Variants in CEP350 observed in about 807,000 individuals in gnomAD.
CEP350 encodes the protein centrosomal protein 350, also known as centrosome-associated protein 350.
CEP350 carries 126 observed loss-of-function variants against 331.8 expected under a neutral mutation model. The ratio of observed to expected loss-of-function variants is 0.38; its 90% CI spans 0.33 to 0.44. CEP350 has a LOEUF of 0.44. Ranked by LOEUF, CEP350 falls within the 20% of genes least tolerant of loss-of-function variation. The pLI is 1.00. For missense variants in CEP350, 3,406 were observed against 3,634.6 expected (o/e 0.94, Z 1.62); for synonymous variants, 1,200 against 1,259.5 (o/e 0.95, Z 1.00).
intron 1 of CEP350, among the ~76,000 whole-genome samples, chr1:179,956,822 CAAGG>C (rs201933226): frequency 0.083 from 12,645 of 152,102 alleles, 692 homozygotes; most frequent in Non-Finnish European, 0.12. Context: ...AACTGACACA[CAAGG>C]AAGATCATTT....
rs993615217 is a variant in CEP350 at position 179,975,835 on chromosome 1, T to C, written c.-13-10334T>C. Among the ~76,000 whole-genome samples the C allele has an allele frequency of 2.6e-5, 4 of 152,056 alleles. 1 individual carries two copies. Among genetic ancestry groups the C allele is most frequent in the Admixed American group, 6.5e-5 (1 of 15,282 alleles). ...CTCAGAAATAGATCTAAGGAGGAAA[T>C]AGAACATTTAGGAAATAAAGCCATG... On this transcript the variant is annotated intron_variant, in intron 1 of 37. Coordinates refer to ENST00000367607, the MANE Select transcript of CEP350 (RefSeq NM_014810.5).
chr1:180,051,836 C>CT (rs1437224069), intron 22 of CEP350, among the ~76,000 whole-genome samples: 1 of 152,136 alleles, frequency 6.6e-6, no homozygotes, highest in African/African-American at 2.4e-5. Flanking sequence ...AACCTATACT[C>CT]TAATTGGATA....
At chr1:180,102,729 A>G (rs1660897396) in intron 37 of CEP350, among the ~76,000 whole-genome samples, 2 of 152,198 alleles carry the variant, frequency 1.3e-5, no homozygotes, top group Non-Finnish European at 2.9e-5. Flanking sequence ...CAGGCCTTTA[A>G]TGTAAACTCT....
In CEP350 at chr1:180,014,015, A is replaced by G; in HGVS notation, c.1562A>G (p.Lys521Arg). 1.2e-6 allele frequency: 2 copies of G among 1,613,692 alleles called. No homozygotes were observed. The highest frequency in any genetic ancestry group is 1.7e-6 in the Non-Finnish European group (2 of 1,179,746). Reference sequence around the variant, plus strand: ...CAGGAGGAAAATACTGCCTTAAATAAGGACTTTTTACCTATTGAAATTCGT... The same window carrying G: ...CAGGAGGAAAATACTGCCTTAAATAGGGACTTTTTACCTATTGAAATTCGT... ...NKQEENTALNKDFLPIEIRGI... is the reference protein window; with the variant it reads ...NKQEENTALNRDFLPIEIRGI... Residue 521 changes from lysine (K) to arginine (R), a missense_variant, in exon 10 of 38, where the codon AAG (lysine) becomes AGG (arginine). Physicochemically the swap from Lys to Arg is conservative, Grantham distance 26. Transcript: ENST00000367607.
chr1:180,006,941 A>G (rs1290424863), intron 8 of CEP350, among the ~76,000 whole-genome samples: 2 of 152,168 alleles, frequency 1.3e-5, no homozygotes, highest in Non-Finnish European at 2.9e-5. Flanking sequence ...ACATGAACTC[A>G]TCCTTTTTTA....
At chr1:180,009,790 T>C (rs1326317764) in intron 8 of CEP350, among the ~76,000 whole-genome samples, 1 of 152,200 alleles carries the variant, frequency 6.6e-6, no homozygotes, top group Non-Finnish European at 1.5e-5. Context: ...AGGTCAACTG[T>C]ATAAGGTTAA....
intron 27 of CEP350, among the ~76,000 whole-genome samples, chr1:180,069,498 A>G (rs984701458): frequency 6.6e-6 from 1 of 152,212 alleles, no homozygotes; most frequent in South Asian, 2.1e-4. Flanking sequence ...AATTTCTTAG[A>G]CAACATTCTA....
At chr1:180,087,518 T>G in intron 31 of CEP350, 60 bp from the exon 32 acceptor site, 3 of 1,394,718 alleles carry the variant, frequency 2.2e-6, no homozygotes, top group Middle Eastern at 2.0e-4. Flanking sequence ...TACTATTTTA[T>G]AATTTAAAAT....
intron 30 of CEP350, among the ~76,000 whole-genome samples, chr1:180,082,787 A>G (rs1659655706): frequency 1.3e-5 from 2 of 152,216 alleles, no homozygotes; most frequent in Admixed American, 6.5e-5. Flanking sequence ...AATTTAAAAT[A>G]GTTATTTTGG....
In CEP350 at chr1:180,013,830, C is replaced by T; in HGVS notation, c.1394-17C>T. On this transcript the variant is annotated splice_polypyrimidine_tract_variant and intron_variant, in intron 9 of 37. Coordinates refer to ENST00000367607, the MANE Select transcript of CEP350 (RefSeq NM_014810.5). Reference sequence around the variant, plus strand: ...GTATAGAATTTCGGTATATCACTAACAGTTCATACTTTGCAGGGGGTCACA... The same window carrying T: ...GTATAGAATTTCGGTATATCACTAATAGTTCATACTTTGCAGGGGGTCACA... 6.3e-7 allele frequency: 1 copy of T among 1,585,742 alleles called. No individual in the cohort carries two copies.
At chr1:179,966,084 A>G (rs1571782012) in intron 1 of CEP350, among the ~76,000 whole-genome samples, 1 of 152,262 alleles carries the variant, frequency 6.6e-6, no homozygotes, top group East Asian at 1.9e-4. Flanking sequence ...CTGGCAACCT[A>G]CCTTTTATAA....
chr1:180,046,266 A>G (rs1204664903), intron 21 of CEP350, among the ~76,000 whole-genome samples: 1 of 152,068 alleles, frequency 6.6e-6, no homozygotes, highest in Non-Finnish European at 1.5e-5. Context: ...GCAACCACTA[A>G]TCTGTTTCCT....
intron 3 of CEP350, among the ~76,000 whole-genome samples, chr1:179,988,574 A>G (rs778043134): frequency 6.6e-6 from 1 of 152,002 alleles, no homozygotes; most frequent in African/African-American, 2.4e-5. Flanking sequence ...AAGAATGACT[A>G]TGGGCAACCT....
At chr1:180,063,851 A>G (rs1658389638) in intron 26 of CEP350, among the ~76,000 whole-genome samples, 1 of 152,134 alleles carries the variant, frequency 6.6e-6, no homozygotes, top group African/African-American at 2.4e-5. Context: ...CCCAGGCTGT[A>G]TAGCAGTATA....
At chr1:180,006,938 C>G (rs918450775) in intron 8 of CEP350, among the ~76,000 whole-genome samples, 3 of 152,172 alleles carry the variant, frequency 2.0e-5, no homozygotes, top group Non-Finnish European at 4.4e-5. Flanking sequence ...AGGACATGAA[C>G]TCATCCTTTT....
Position 180,113,785 on chromosome 1 carries a change from C to T in CEP350, c.*2624C>T, listed in dbSNP as rs781354754. ...TTCCTTCTCCCTACACCCTCATCCT[C>T]TTTCACTCTTCCTTCATAATTCCTC... On this transcript the variant is annotated 3_prime_UTR_variant, in exon 38 of 38. Transcript: ENST00000367607. The T allele has an allele frequency of 6.6e-6, 1 of 152,600 alleles. No homozygotes were observed. Among genetic ancestry groups the T allele is most frequent in the Non-Finnish European group, 1.5e-5 (1 of 68,034 alleles). The allele number at this position is 152,600 out of a possible 1,614,324, so 9.5% of individuals were successfully genotyped here. A position where few individuals can be genotyped will look rare whatever the true frequency, so the allele number is the denominator to read the frequency against.
At chr1:179,963,170 C>G (rs142241157) in intron 1 of CEP350, among the ~76,000 whole-genome samples, 3 of 148,716 alleles carry the variant, frequency 2.0e-5, no homozygotes, top group African/African-American at 4.9e-5. Flanking sequence ...TTTTTTTTTT[C>G]TTGTTCATTT....
In CEP350 at chr1:179,975,379, T is replaced by A. The variant is rs139243626; in HGVS notation, c.-13-10790T>A. On this transcript the variant is annotated intron_variant, in intron 1 of 37. Transcript: ENST00000367607. ...TGAAGAGTTATAAAATCAGAATTGC[T>A]AGGTTCTGTTTTAGAACGATAACTT... Among the ~76,000 whole-genome samples the A allele has an allele frequency of 1.0e-3, 152 of 152,320 alleles. 4 individuals carry two copies. The East Asian group carries it at 0.025, about 25-fold the overall frequency.
At chr1:180,085,162 G>T (rs1281521063) in intron 31 of CEP350, among the ~76,000 whole-genome samples, 5 of 147,424 alleles carry the variant, frequency 3.4e-5, no homozygotes, top group African/African-American at 1.3e-4. Context: ...TCACAGAATG[G>T]TGTTTCATGC....
Sources: gnomAD v4.1 joint callset for allele counts (sites outside exome capture counted in the v4.1 genomes callset) on GRCh38, gnomAD v4.1.1 for gene constraint, MANE v1.5 for transcripts, NCBI Gene and HGNC (gene_info 2026-07-23, HGNC 2026-07-21) for gene names.